SNX27: variants seen among roughly 807,000 people sequenced by gnomAD.
SNX27 encodes the protein sorting nexin-27.
Under a neutral mutation model 71.6 loss-of-function variants are expected in SNX27, and 22 were observed. The observed-to-expected ratio is 0.31, with a 90% CI of 0.22 to 0.44. The LOEUF (loss-of-function observed/expected upper bound fraction) is 0.44. SNX27 is among the 20% of genes least tolerant of loss of function. The pLI is 1.00. For synonymous variants in SNX27, 269 were observed against 277.2 expected (o/e 0.97, Z 0.29); for missense variants, 531 against 698.6 (o/e 0.76, Z 2.70).
At chr1:151,662,060 C>A in intron 4 of SNX27, 106 bp from the exon 5 acceptor site, 2 of 665,012 alleles carry the variant, frequency 3.0e-6, no homozygotes, top group Non-Finnish European at 5.2e-6. Flanking sequence ...TTCATTGGAA[C>A]TCACTTCTTC....
chr1:151,670,889 T>A (rs924283244), intron 7 of SNX27, among the ~76,000 whole-genome samples: 1 of 152,158 alleles, frequency 6.6e-6, no homozygotes, highest in Non-Finnish European at 1.5e-5. Flanking sequence ...TTTCCCTGAT[T>A]TTTTCTTGTA....
At chr1:151,693,228 C>G in intron 10 of SNX27, 189 bp downstream of exon 10, 1 of 950,730 alleles carries the variant, frequency 1.1e-6, no homozygotes, top group Non-Finnish European at 1.6e-6. Flanking sequence ...AATTTCCTAT[C>G]CCACTTGGCT....
intron 4 of SNX27, 96 bp from the exon 5 acceptor site, chr1:151,662,070 C>T (rs985584793): frequency 1.3e-6 from 1 of 759,860 alleles, no homozygotes; most frequent in Non-Finnish European, 2.2e-6. Flanking sequence ...CTCACTTCTT[C>T]TCTACCACGT....
At position 151,662,131 on chromosome 1, in the gene SNX27, G is replaced by C. The variant is rs764045927; in HGVS notation, c.802-35G>C. The C allele has an allele frequency of 5.5e-6, 8 of 1,454,938 alleles. No homozygotes were observed. In the East Asian group the frequency reaches 1.8e-4, roughly 34 times the overall value. The allele number at this position is 1,454,938 out of a possible 1,614,324, so 90.1% of individuals were successfully genotyped here. A position where few individuals can be genotyped will look rare whatever the true frequency, so the allele number is the denominator to read the frequency against. ...TTACAGGGAGAGTGAAGATATACTG[G>C]GCCATAAATTATTTCTCTATGTCTT... is the stretch of plus-strand genomic sequence containing the variant. On this transcript the variant is annotated intron_variant, in intron 4 of 11. Coordinates refer to ENST00000458013, the MANE Select transcript of SNX27 (RefSeq NM_001330723.2).
chr1:151,655,954 G>C (rs1043927066), intron 2 of SNX27, among the ~76,000 whole-genome samples: 7 of 152,038 alleles, frequency 4.6e-5, no homozygotes, highest in Non-Finnish European at 7.4e-5. Context: ...GCCGGACACG[G>C]GTCTCACACC....
intron 1 of SNX27, among the ~76,000 whole-genome samples, chr1:151,625,780 T>G: frequency 7.3e-6 from 1 of 137,884 alleles, no homozygotes. Flanking sequence ...CAAGACTCTG[T>G]GTCCAAAAAA....
chr1:151,683,550 C>T lies in SNX27; in HGVS notation c.1239+105C>T, dbSNP rs899234797. ...GATTACAACCTGGTTAGTGGCTTAA[C>T]TAATTTTAAAAAAGGAGGGGAATAG... On this transcript the variant is annotated intron_variant, in intron 8 of 11. Transcript: ENST00000458013. The T allele has an allele frequency of 5.3e-6, 4 of 752,202 alleles. No homozygotes were observed. In the African/African-American group the frequency reaches 5.5e-5, roughly 10 times the overall value. 46.6% of individuals were successfully genotyped at this position (752,202 alleles called of 1,614,324 possible).
intron 8 of SNX27, among the ~76,000 whole-genome samples, chr1:151,690,297 G>A (rs1671378743): frequency 6.6e-6 from 1 of 152,134 alleles, no homozygotes; most frequent in Admixed American, 6.5e-5. Context: ...GGAGATTTGT[G>A]TGTTTGTTTG....
rs1240609940 is a variant in SNX27, at chr1:151,696,482, T to TTTCGTTCTTTCGTTCTTTCG, written c.*2068_*2069insGTTCTTTCGTTCTTTCGTTC. ...CACTTTTTCTTTCTTTCTTTCTTTC[T>TTTCGTTCTTTCGTTCTTTCG]TTCTTTCTTTCTTTCTTTCTTTCGT... On this transcript the variant is annotated 3_prime_UTR_variant, in exon 12 of 12. Transcript: ENST00000458013. The TTTCGTTCTTTCGTTCTTTCG allele has an allele frequency of 8.2e-6, 1 of 121,360 alleles. No homozygotes were observed. The highest frequency in any genetic ancestry group is 8.6e-5 in the Admixed American group (1 of 11,688). The allele number at this position is 121,360 out of a possible 1,614,324, so 7.5% of individuals were successfully genotyped here. A position where few individuals can be genotyped will look rare whatever the true frequency, so the allele number is the denominator to read the frequency against.
At position 151,612,145 on chromosome 1, in the gene SNX27, C is replaced by T. The variant is rs1667201240; in HGVS notation, c.-57C>T. 8 of 1,281,344 alleles carry T rather than the reference C, an allele frequency of 6.2e-6. No individual in the cohort carries two copies. The highest frequency in any genetic ancestry group is 7.9e-6 in the Non-Finnish European group (8 of 1,012,766). 79.4% of individuals were successfully genotyped at this position (1,281,344 alleles called of 1,614,324 possible). A position where few individuals can be genotyped will look rare whatever the true frequency, so the allele number is the denominator to read the frequency against. The stretch of plus-strand genomic sequence containing the variant: ...GTCCGGCTGCCAGGCAGGGCGAGCA[C>T]GCGCCGGGAGGCCTTGGAGGCGTAG... On this transcript the variant is annotated 5_prime_UTR_variant, in exon 1 of 12. The change creates a new upstream start codon in the 5' untranslated region. Transcript: ENST00000458013. The surrounding 1 kb of genome is among the most constrained non-coding windows in gnomAD (Gnocchi z 5.2).
chr1:151,662,841 A>G (rs1670020213), intron 5 of SNX27: 1 of 152,126 alleles, frequency 6.6e-6, no homozygotes, highest in African/African-American at 2.4e-5. Flanking sequence ...GAATAGTATA[A>G]TGAATCTCCA....
intron 1 of SNX27, among the ~76,000 whole-genome samples, chr1:151,635,166 A>C (rs1051163335): frequency 1.3e-5 from 2 of 152,240 alleles, no homozygotes; most frequent in African/African-American, 4.8e-5. Flanking sequence ...AATACTACCA[A>C]CTTGTTTGCC....
intron 7 of SNX27, chr1:151,678,708 T>G (rs1466836908): frequency 6.6e-6 from 1 of 151,764 alleles, no homozygotes; most frequent in Non-Finnish European, 1.5e-5. Flanking sequence ...TGACTTATTT[T>G]TTTGTTTTGT....
chr1:151,675,474 TTA>T (rs1239115511), intron 7 of SNX27, among the ~76,000 whole-genome samples: 3 of 152,102 alleles, frequency 2.0e-5, no homozygotes, highest in African/African-American at 7.2e-5. Flanking sequence ...ATACAGTTTT[TTA>T]TATGTCATTT....
At chr1:151,633,425 T>TC (rs1668333400) in intron 1 of SNX27, among the ~76,000 whole-genome samples, 2 of 152,112 alleles carry the variant, frequency 1.3e-5, no homozygotes, top group African/African-American at 4.8e-5. Flanking sequence ...AGTCCCCAAG[T>TC]AGCCAGGACT....
intron 7 of SNX27, among the ~76,000 whole-genome samples, chr1:151,670,087 C>G (rs986818684): frequency 5.9e-5 from 9 of 152,166 alleles, no homozygotes; most frequent in African/African-American, 2.2e-4. Flanking sequence ...TACTCTCTAT[C>G]TCCATGGGTT....
At chr1:151,663,730 C>G (rs898420656) in intron 5 of SNX27, among the ~76,000 whole-genome samples, 1 of 152,128 alleles carries the variant, frequency 6.6e-6, no homozygotes, top group African/African-American at 2.4e-5. Context: ...TATTGCTTCT[C>G]AACAACAAGT....
intron 1 of SNX27, chr1:151,615,790 G>A (rs1667398898): frequency 1.0e-6 from 1 of 984,070 alleles, no homozygotes; most frequent in African/African-American, 1.7e-5. Flanking sequence ...TCAGTTGTTT[G>A]GACAACTGAC....
chr1:151,677,429 G>A (rs1670748108), intron 7 of SNX27: 3 of 152,098 alleles, frequency 2.0e-5, no homozygotes, highest in Non-Finnish European at 4.4e-5. Flanking sequence ...TCATTAGCTA[G>A]GAGTCAGAAT....
Sources: gnomAD v4.1 joint callset for allele counts (sites outside exome capture counted in the v4.1 genomes callset) on GRCh38, gnomAD v4.1.1 for gene constraint, Gnocchi (gnomAD v3.1) non-coding constraint, MANE v1.5 for transcripts, NCBI Gene and HGNC (gene_info 2026-07-23, HGNC 2026-07-21) for gene names.